S100PBP: variants seen among roughly 807,000 people sequenced by gnomAD.
S100PBP encodes the protein S100P binding protein, also known as S100P-binding protein.
S100PBP carries 15 observed loss-of-function variants against 39.9 expected under a neutral mutation model. The observed-to-expected ratio is 0.38, with a 90% CI of 0.25 to 0.58. The LOEUF is 0.58. Ranked by LOEUF, S100PBP falls within the 20% of genes least tolerant of loss-of-function variation. S100PBP has a pLI of 0.70. For missense variants in S100PBP, 504 were observed against 487.3 expected (o/e 1.03, Z -0.32); for synonymous variants, 178 against 180.3 (o/e 0.99, Z 0.10).
At chr1:32,837,349 AAT>A (rs1359211357) in intron 5 of S100PBP, among the ~76,000 whole-genome samples, 1 of 147,524 alleles carries the variant, frequency 6.8e-6, no homozygotes, top group African/African-American at 2.5e-5. Context: ...GCAGTGGCGT[AAT>A]CTGAGCTCAC....
At chr1:32,823,853 A>G (rs200225677) in intron 1 of S100PBP, among the ~76,000 whole-genome samples, 2 of 152,242 alleles carry the variant, frequency 1.3e-5, no homozygotes, top group East Asian at 1.9e-4. Context: ...AAAGAGACAT[A>G]TGCAGCTTGT....
At chr1:32,825,588 A>G (rs767793079) in intron 2 of S100PBP, 159 bp downstream of exon 2, 1 of 153,528 alleles carries the variant, frequency 6.5e-6, no homozygotes, top group Non-Finnish European at 1.4e-5. Context: ...ATTCCATGAT[A>G]GTACATACAG....
At chr1:32,846,116 A>C (rs892088440) in intron 5 of S100PBP, among the ~76,000 whole-genome samples, 1 of 151,830 alleles carries the variant, frequency 6.6e-6, no homozygotes, top group South Asian at 2.1e-4. Context: ...CAGCCTCCTG[A>C]GTAGCTGGGA....
At chr1:32,828,733 G>T (rs1433970185) in intron 4 of S100PBP, among the ~76,000 whole-genome samples, 2 of 152,142 alleles carry the variant, frequency 1.3e-5, no homozygotes, top group Non-Finnish European at 2.9e-5. Flanking sequence ...GGGCGCGGTG[G>T]CTCACACCTG....
chr1:32,824,563 CTT>C (rs887324710), intron 1 of S100PBP, among the ~76,000 whole-genome samples: 1 of 145,342 alleles, frequency 6.9e-6, no homozygotes, highest in African/African-American at 2.5e-5. Context: ...TTGTTTGTAT[CTT>C]TTTTTTTTTT....
At position 32,852,943 on chromosome 1, in the gene S100PBP, T is replaced by C. The variant is rs1042176922; in HGVS notation, c.1025-136T>C. ...CCATTCTGGTTTATAGTTTCTGTGC[T>C]CACTGCTTGTGATAATTGTAAGTAT... On this transcript the variant is annotated intron_variant, in intron 5 of 6. Transcript: ENST00000373475. 59 of 615,748 alleles carry C rather than the reference T, an allele frequency of 9.6e-5. 1 individual carries two copies. The highest frequency in any genetic ancestry group is 7.9e-4 in the Middle Eastern group (2 of 2,540). 38.1% of individuals were successfully genotyped at this position (615,748 alleles called of 1,614,324 possible).
chr1:32,842,333 G>A (rs1431420705), intron 5 of S100PBP, among the ~76,000 whole-genome samples: 4 of 145,882 alleles, frequency 2.7e-5, no homozygotes, highest in Non-Finnish European at 6.0e-5. Context: ...ACCATTTATT[G>A]AAAAGACTGT....
chr1:32,831,074 T>G (rs1639576729), intron 5 of S100PBP, among the ~76,000 whole-genome samples: 1 of 65,548 alleles, frequency 1.5e-5, no homozygotes. Context: ...AATGAGACTC[T>G]GTCTCAAAAA....
intron 5 of S100PBP, among the ~76,000 whole-genome samples, chr1:32,832,964 CTTTAG>C (rs974479977): frequency 4.0e-5 from 6 of 150,022 alleles, no homozygotes; most frequent in African/African-American, 1.2e-4. Context: ...AGTATAATCT[CTTTAG>C]TTTAGTGCCC....
At chr1:32,833,425 G>C (rs1278679138) in intron 5 of S100PBP, among the ~76,000 whole-genome samples, 4 of 149,920 alleles carry the variant, frequency 2.7e-5, no homozygotes, top group East Asian at 2.0e-4. Context: ...GCAGTGGCGC[G>C]ATCTCGGCTC....
At chr1:32,826,012 A>G in intron 2 of S100PBP, 86 bp from the exon 3 acceptor site, 2 of 916,146 alleles carry the variant, frequency 2.2e-6, no homozygotes, top group Non-Finnish European at 1.7e-6. Flanking sequence ...ATTTTGAAAT[A>G]CTAGAACATT....
At chr1:32,839,081 G>C (rs916252066) in intron 5 of S100PBP, among the ~76,000 whole-genome samples, 1 of 151,916 alleles carries the variant, frequency 6.6e-6, no homozygotes, top group Non-Finnish European at 1.5e-5. Context: ...GGCACACATC[G>C]CTGCACCCAC....
intron 5 of S100PBP, among the ~76,000 whole-genome samples, chr1:32,851,947 T>G (rs1198275848): frequency 6.6e-6 from 1 of 152,218 alleles, no homozygotes; most frequent in Non-Finnish European, 1.5e-5. Context: ...TTAGCCTAAG[T>G]CTCAATCGTT....
At chr1:32,831,383 G>A (rs535373784) in intron 5 of S100PBP, among the ~76,000 whole-genome samples, 62 of 151,938 alleles carry the variant, frequency 4.1e-4, no homozygotes, top group Non-Finnish European at 7.5e-4. Flanking sequence ...GAGCTCCACA[G>A]AGAAGATAAT....
In S100PBP at chr1:32,858,477, A is replaced by G. The variant is rs1001126339; in HGVS notation, c.*2439A>G. 1 of 152,680 alleles carries G rather than the reference A, an allele frequency of 6.5e-6. No homozygotes were observed. Among genetic ancestry groups the G allele is most frequent in the Non-Finnish European group, 1.5e-5 (1 of 68,050 alleles). The allele number at this position is 152,680 out of a possible 1,614,324, so 9.5% of individuals were successfully genotyped here. A position where few individuals can be genotyped will look rare whatever the true frequency, so the allele number is the denominator to read the frequency against. On this transcript the variant is annotated 3_prime_UTR_variant, in exon 7 of 7. Coordinates refer to ENST00000373475, the MANE Select transcript of S100PBP (RefSeq NM_022753.4). Reference sequence around the variant, plus strand: ...ACTCATTATCTGGCATGTTCGCCTTAAAGATGGTACTGGGTAGAATCTGGA... The same window carrying G: ...ACTCATTATCTGGCATGTTCGCCTTGAAGATGGTACTGGGTAGAATCTGGA...
chr1:32,817,613 G>A (rs1638796082), upstream of S100PBP: 1 of 354,296 alleles, frequency 2.8e-6, no homozygotes, highest in South Asian at 4.0e-5. Flanking sequence ...GGGGAGGTCG[G>A]GGAGGGGGCG....
Position 32,826,228 on chromosome 1 carries a change from G to A in S100PBP, c.129G>A (p.Glu43=), listed in dbSNP as rs1639314894. The A allele has an allele frequency of 2.5e-6, 4 of 1,614,150 alleles. No individual in the cohort carries two copies. In the East Asian group the frequency reaches 8.9e-5, roughly 36 times the overall value. Residue 43 remains glutamate (E), a synonymous_variant, in exon 3 of 7, where the codon GAG becomes GAA. Coordinates refer to ENST00000373475, the MANE Select transcript of S100PBP (RefSeq NM_022753.4). The part of the protein sequence containing the change: ...GLDDSLLELS[E]GEEDDGDVNY... ...ATGACTCCTTGCTGGAGCTGTCAGA[G>A]GGAGAAGAAGATGATGGTGATGTAA...
intron 5 of S100PBP, chr1:32,842,653 G>T (rs1469274649): frequency 1.3e-5 from 2 of 151,972 alleles, no homozygotes. Flanking sequence ...GTCGTGCGGT[G>T]GTGCGATCTC....
chr1:32,836,462 T>C (rs1639823820), intron 5 of S100PBP: 2 of 803,710 alleles, frequency 2.5e-6, no homozygotes, highest in Non-Finnish European at 3.0e-6. Context: ...TTTTTTTTTA[T>C]AGTAGCTATC....
Sources: gnomAD v4.1 joint callset for allele counts (sites outside exome capture counted in the v4.1 genomes callset) on GRCh38, gnomAD v4.1.1 for gene constraint, MANE v1.5 for transcripts, NCBI Gene and HGNC (gene_info 2026-07-23, HGNC 2026-07-21) for gene names.